The following SPOCD1 variants were observed in gnomAD, a reference collection of about 807,000 sequenced individuals.
The protein encoded by SPOCD1 is SPOC domain containing 1.
Under a neutral mutation model 92.2 loss-of-function variants are expected in SPOCD1, and 64 were observed. The ratio of observed to expected loss-of-function variants is 0.69; its 90% CI spans 0.57 to 0.86. The LOEUF is 0.86. Ranked by LOEUF, SPOCD1 falls within the 40% of genes least tolerant of loss-of-function variation. The pLI is 0.00. For synonymous variants in SPOCD1, 578 were observed against 619.3 expected, an observed-to-expected ratio of 0.93 and a Z score of 0.99; for missense variants, 1,360 against 1,543.1, an observed-to-expected ratio of 0.88 and a Z score of 1.99.
In SPOCD1 at chr1:31,814,602, G is replaced by C. The variant is rs138241977; in HGVS notation, c.732C>G (p.Pro244=). The part of the protein sequence containing the change: ...GDNLLSVGDP[P]QVADLESLGG... Reference sequence around the variant, plus strand: ...CCAAGGACTCCAGGTCAGCAACTTGGGGAGGGTCTCCCACAGACAGGAGGT... The same window carrying C: ...CCAAGGACTCCAGGTCAGCAACTTGCGGAGGGTCTCCCACAGACAGGAGGT... Residue 244 remains proline (P), a synonymous_variant, in exon 2 of 16, where the codon CCC becomes CCG. Coordinates refer to ENST00000360482, the MANE Select transcript of SPOCD1 (RefSeq NM_144569.7). The surrounding 1 kb of genome is among the most constrained non-coding windows in gnomAD (Gnocchi z 4.2). 7.5e-4 allele frequency: 1,146 copies of C among 1,529,238 alleles called. 12 individuals carry two copies. The African/African-American group carries it at 0.014, about 19-fold the overall frequency. 94.7% of individuals were successfully genotyped at this position (1,529,238 alleles called of 1,614,324 possible). A position where few individuals can be genotyped will look rare whatever the true frequency, so the allele number is the denominator to read the frequency against.
intron 12 of SPOCD1, 79 bp from the exon 13 acceptor site, chr1:31,793,507 A>C: frequency 1.3e-6 from 2 of 1,533,898 alleles, no homozygotes; most frequent in African/African-American, 2.7e-5. Flanking sequence ...TTTTCAGAGC[A>C]GATCCTGTGT....
At chr1:31,801,126 C>T (rs543683716) in intron 3 of SPOCD1, among the ~76,000 whole-genome samples, 6 of 152,210 alleles carry the variant, frequency 3.9e-5, no homozygotes, top group Non-Finnish European at 7.4e-5. Flanking sequence ...TGATCACTCC[C>T]CTATTGCCCA....
rs1203609855 is a variant in SPOCD1, at chr1:31,799,492, G to A, written c.1784-7C>T. On this transcript the variant is annotated splice_polypyrimidine_tract_variant and splice_region_variant and intron_variant, in intron 6 of 15. Transcript: ENST00000360482. ...TTCTCCTGTTGGAGCTGAGCTGTAGGGAGAGAGCGTCACAGGCTCCCAGGG... is the reference window on the plus strand; with the variant it reads ...TTCTCCTGTTGGAGCTGAGCTGTAGAGAGAGAGCGTCACAGGCTCCCAGGG... 1 of 1,608,512 alleles carries A rather than the reference G, an allele frequency of 6.2e-7. No individual in the cohort carries two copies. The highest frequency in any genetic ancestry group is 1.3e-5 in the African/African-American group (1 of 75,020).
intron 3 of SPOCD1, among the ~76,000 whole-genome samples, chr1:31,800,939 C>CA (rs1391413674): frequency 6.6e-6 from 1 of 152,218 alleles, no homozygotes; most frequent in African/African-American, 2.4e-5. Flanking sequence ...AGGACCCTCT[C>CA]ACTCTTCTTC....
intron 11 of SPOCD1, 58 bp downstream of exon 11, chr1:31,794,066 T>C: frequency 6.4e-7 from 1 of 1,559,602 alleles, no homozygotes; most frequent in Non-Finnish European, 8.8e-7. Flanking sequence ...GCTGCTGAAC[T>C]GCACGCTCAG....
In SPOCD1 at chr1:31,793,900, G is replaced by A; in HGVS notation, c.2384-3C>T. On this transcript the variant is annotated splice_region_variant and splice_polypyrimidine_tract_variant and intron_variant, in intron 11 of 15. Coordinates refer to ENST00000360482, the MANE Select transcript of SPOCD1 (RefSeq NM_144569.7). ...CAGCTCATTCGAGGGCTCCCAGTCT[G>A]CAAATAGCAGAGGCAGGAGCTGAAA... The A allele has an allele frequency of 6.2e-7, 1 of 1,608,132 alleles. No homozygotes were observed. Among genetic ancestry groups the A allele is most frequent in the Non-Finnish European group, 8.5e-7 (1 of 1,175,628 alleles).
At position 31,790,724 on chromosome 1, in the gene SPOCD1, CG is replaced by C; in HGVS notation, c.3529del (p.Arg1177AlafsTer51). 1.3e-6 allele frequency: 2 copies of C among 1,551,786 alleles called. No homozygotes were observed. Among genetic ancestry groups the C allele is most frequent in the South Asian group, 1.2e-5 (1 of 84,076 alleles). On this transcript the variant is annotated frameshift_variant, in exon 16 of 16. Coordinates refer to ENST00000360482, the MANE Select transcript of SPOCD1 (RefSeq NM_144569.7). LOFTEE classifies it low-confidence loss of function (END_TRUNC). ...LCPQTKSSIP[R>X]PLQRLSSALA... ...GGCGCTAGACAAACGCTGCAGAGGG[CG>C]GGGGATGGAGCTCTTGGTCTGGGGG...
intron 15 of SPOCD1, 61 bp downstream of exon 15, chr1:31,792,154 G>A (rs747527196): frequency 5.9e-6 from 9 of 1,531,532 alleles, no homozygotes; most frequent in Middle Eastern, 1.7e-4. Flanking sequence ...TGTGTCAACC[G>A]TGCCTGGTCT....
At chr1:31,796,800 G>T (rs1023702533) in intron 9 of SPOCD1, 85 bp from the exon 10 acceptor site, 1 of 1,587,748 alleles carries the variant, frequency 6.3e-7, no homozygotes, top group African/African-American at 1.3e-5. Flanking sequence ...CCTCCCTTGA[G>T]GCCCCTCTCT....
At chr1:31,797,226 G>A (rs374387288) in intron 9 of SPOCD1, among the ~76,000 whole-genome samples, 2 of 152,152 alleles carry the variant, frequency 1.3e-5, no homozygotes, top group South Asian at 2.1e-4. Context: ...TCTTACTGTC[G>A]ATCAATGTCA....
rs753850107 is a variant in SPOCD1 at position 31,792,373 on chromosome 1, T to G, written c.2804A>C (p.His935Pro). ...GCAGTTCTGGGTGTCCCGGGCCCCATGTGGGCACAGTCTGACCACGCAGAC... is the reference window on the plus strand; with the variant it reads ...GCAGTTCTGGGTGTCCCGGGCCCCAGGTGGGCACAGTCTGACCACGCAGAC... ...KDVCVVRLCP[H>P]GARDTQNCRL... The change falls in exon 15 of 16, where the codon CAT becomes CCT. Residue 935 changes from histidine (H) to proline (P), a missense_variant. His to Pro is a moderately conservative substitution (Grantham distance 77). This residue lies in a region of SPOCD1 where 614 missense variants were observed against 757.8 expected (regional missense o/e 0.81). Coordinates refer to ENST00000360482, the MANE Select transcript of SPOCD1 (RefSeq NM_144569.7). 1 of 1,613,800 alleles carries G rather than the reference T, an allele frequency of 6.2e-7. No individual in the cohort carries two copies. Among genetic ancestry groups the G allele is most frequent in the South Asian group, 1.1e-5 (1 of 91,068 alleles).
At position 31,815,058 on chromosome 1, in the gene SPOCD1, C is replaced by A. The variant is rs566958224; in HGVS notation, c.276G>T (p.Arg92=). The change falls in exon 2 of 16, where the codon CGG becomes CGT. Residue 92 remains arginine (R), a synonymous_variant. Transcript: ENST00000360482. ...GGAGCCCAGGAGCCAGCATCGAGCC[C>A]CGGCTCTGTACCACAGCTAGCAGCT... ...VLELLAVVQS[R]GSMLAPGLHM... is the part of the protein sequence containing the mutation. 1 of 1,613,868 alleles carries A rather than the reference C, an allele frequency of 6.2e-7. No homozygotes were observed. Among genetic ancestry groups the A allele is most frequent in the East Asian group, 2.2e-5 (1 of 44,874 alleles).
At chr1:31,792,017 C>A in intron 15 of SPOCD1, 198 bp downstream of exon 15, 1 of 627,054 alleles carries the variant, frequency 1.6e-6, no homozygotes, top group Non-Finnish European at 2.8e-6. Context: ...CTAGGTAAAG[C>A]TTTTAGAACA....
At chr1:31,791,952 A>G (rs1647623372) in intron 15 of SPOCD1, among the ~76,000 whole-genome samples, 1 of 152,244 alleles carries the variant, frequency 6.6e-6, no homozygotes, top group African/African-American at 2.4e-5. Context: ...TATGAGATGG[A>G]CAGTCTAGTC....
Position 31,813,956 on chromosome 1 carries a change from TG to T in SPOCD1, c.1377del (p.Arg460AspfsTer5). 1 of 1,530,584 alleles carries T rather than the reference TG, an allele frequency of 6.5e-7. No individual in the cohort carries two copies. 94.8% of individuals were successfully genotyped at this position (1,530,584 alleles called of 1,614,324 possible). A position where few individuals can be genotyped will look rare whatever the true frequency, so the allele number is the denominator to read the frequency against. On this transcript the variant is annotated frameshift_variant, in exon 2 of 16. Coordinates refer to ENST00000360482, the MANE Select transcript of SPOCD1 (RefSeq NM_144569.7). LOFTEE classifies it high-confidence loss of function. ...AACTCTCAGACTCAGCTCACCAGTCTGGGGCAGCCTCCTGGGCTGGGTTCCT... is the reference window on the plus strand; with the variant it reads ...AACTCTCAGACTCAGCTCACCAGTCTGGGCAGCCTCCTGGGCTGGGTTCCT... Reference protein sequence around the residue: ...RPEEPSPGGCPRLEEVKIPHG... With the variant: ...RPEEPSPGGCXRLEEVKIPHG...
intron 9 of SPOCD1, 36 bp from the exon 10 acceptor site, chr1:31,796,751 A>AG (rs1462700282): frequency 4.3e-6 from 7 of 1,613,098 alleles, no homozygotes; most frequent in South Asian, 1.1e-5. Context: ...GAGCCCAGTT[A>AG]GGGGGCCTCT....
At chr1:31,801,732 T>G (rs1648481007) in intron 2 of SPOCD1, 27 bp from the exon 3 acceptor site, 1 of 1,608,252 alleles carries the variant, frequency 6.2e-7, no homozygotes, top group Non-Finnish European at 8.5e-7. Flanking sequence ...ATGCAGAGAT[T>G]AGAATCCAGA....
rs1029774672 is a variant in SPOCD1, at chr1:31,814,396, T to C, written c.938A>G (p.Glu313Gly). The change falls in exon 2 of 16, where the codon GAG (glutamate) becomes GGG (glycine). Residue 313 changes from glutamate to glycine, a missense_variant. Coordinates refer to ENST00000360482, the MANE Select transcript of SPOCD1 (RefSeq NM_144569.7). The surrounding 1 kb of genome is among the most constrained non-coding windows in gnomAD (Gnocchi z 4.2). ...PVGFPVPSGG[E>G]SLSSAAQAPP... is the part of the protein sequence containing the mutation. ...AGCCTGTGCAGCTGAACTGAGGGACTCCCCTCCACTGGGCACTGGGAACCC... is the reference window on the plus strand; with the variant it reads ...AGCCTGTGCAGCTGAACTGAGGGACCCCCCTCCACTGGGCACTGGGAACCC... 1.2e-6 allele frequency: 2 copies of C among 1,608,424 alleles called. No individual in the cohort carries two copies. The highest frequency in any genetic ancestry group is 1.1e-5 in the South Asian group (1 of 90,346).
chr1:31,815,497 G>A lies in SPOCD1; in HGVS notation c.-39-125C>T, dbSNP rs1161504244. 9.5e-6 allele frequency: 6 copies of A among 629,628 alleles called. No individual in the cohort carries two copies. The East Asian group carries it at 1.8e-4, about 19-fold the overall frequency. 39.0% of individuals were successfully genotyped at this position (629,628 alleles called of 1,614,324 possible). On this transcript the variant is annotated intron_variant, in intron 1 of 15. Coordinates refer to ENST00000360482, the MANE Select transcript of SPOCD1 (RefSeq NM_144569.7). Reference sequence around the variant, plus strand: ...CAGACCCTTCCACTCCTGAGGCCTAGGGGTGAGCACTCCAGGGAGGGGAGC... The same window carrying A: ...CAGACCCTTCCACTCCTGAGGCCTAAGGGTGAGCACTCCAGGGAGGGGAGC...
Sources: allele counts gnomAD v4.1 joint callset (sites outside exome capture counted in the v4.1 genomes callset), GRCh38; gene constraint gnomAD v4.1.1; regional missense constraint gnomAD v4.1.1; non-coding constraint Gnocchi (gnomAD v3.1); transcripts MANE v1.5; gene names NCBI Gene and HGNC (gene_info 2026-07-23, HGNC 2026-07-21).